The following RBFOX1 variants were observed in gnomAD, a reference collection of about 807,000 sequenced individuals.
The protein encoded by RBFOX1 is RNA binding protein fox-1 homolog 1.
A neutral mutation model predicts 57.7 loss-of-function variants in RBFOX1; 8 were observed. The ratio of observed to expected loss-of-function variants is 0.14; its 90% CI spans 0.08 to 0.25. The LOEUF is 0.25. Among genes scored for constraint, RBFOX1 ranks in the 10% least tolerant of loss-of-function variants. RBFOX1 has a pLI of 1.00. For missense variants in RBFOX1, 611 were observed against 548.5 expected (o/e 1.11, Z -1.14); for synonymous variants, 326 against 222.4 (o/e 1.47, Z -4.15).
At chr16:7,709,018 A>G in intron 14 of RBFOX1, 38 bp from the exon 15 acceptor site, 1 of 1,552,292 alleles carries the variant, frequency 6.4e-7, no homozygotes, top group Non-Finnish European at 8.9e-7. Flanking sequence ...TTGTAATTGC[A>G]TACTGTGGAT....
At chr16:6,084,988 T>A (rs1213244120) in intron 1 of RBFOX1, among the ~76,000 whole-genome samples, 2 of 152,124 alleles carry the variant, frequency 1.3e-5, no homozygotes, top group East Asian at 3.9e-4. Context: ...TTTGCAGAAG[T>A]GGTTTCCTTT....
At chr16:6,465,718 A>G (rs947107133) in intron 2 of RBFOX1, among the ~76,000 whole-genome samples, 6 of 151,460 alleles carry the variant, frequency 4.0e-5, no homozygotes, top group African/African-American at 1.5e-4. Context: ...TTTTTGTGCT[A>G]AAAGGGAAGA....
intron 3 of RBFOX1, among the ~76,000 whole-genome samples, chr16:6,718,310 C>G (rs1400293278): frequency 1.3e-5 from 2 of 152,136 alleles, no homozygotes; most frequent in East Asian, 3.9e-4. Flanking sequence ...CAGACGTGCC[C>G]TTGTCTTTAG....
chr16:5,383,593 T>C (rs62017743), intron 1 of RBFOX1, among the ~76,000 whole-genome samples: 23,987 of 152,248 alleles, frequency 0.16, 1,959 homozygotes, highest in Middle Eastern at 0.26. Flanking sequence ...GGGGTAGGAA[T>C]GCATAGTAAG....
chr16:7,368,098 C>A (rs935479209), intron 4 of RBFOX1, among the ~76,000 whole-genome samples: 3 of 152,004 alleles, frequency 2.0e-5, no homozygotes, highest in Non-Finnish European at 4.4e-5. Flanking sequence ...GAAACCCCAT[C>A]TTTACTAAAA....
chr16:7,206,026 C>A (rs563216973), intron 4 of RBFOX1, among the ~76,000 whole-genome samples: 1 of 152,246 alleles, frequency 6.6e-6, no homozygotes, highest in South Asian at 2.1e-4. Context: ...GCTTGCCCAC[C>A]CAGAGGCGAG....
intron 3 of RBFOX1, among the ~76,000 whole-genome samples, chr16:6,841,974 TA>T (rs57783370): frequency 5.4e-5 from 8 of 147,722 alleles, no homozygotes; most frequent in East Asian, 2.0e-4. Context: ...CCGTCTCTAT[TA>T]AAAAAAAAAT....
intron 4 of RBFOX1, among the ~76,000 whole-genome samples, chr16:7,123,163 A>G (rs2067596269): frequency 6.6e-6 from 1 of 152,168 alleles, no homozygotes; most frequent in African/African-American, 2.4e-5. Flanking sequence ...AACATTTATG[A>G]AATTGTACAT....
At chr16:7,317,847 C>T (rs1191547594) in intron 4 of RBFOX1, among the ~76,000 whole-genome samples, 5 of 152,210 alleles carry the variant, frequency 3.3e-5, no homozygotes, top group African/African-American at 1.2e-4. Flanking sequence ...AGCAAGACCA[C>T]AAAGACATAG....
At chr16:7,465,650 CTCT>C (rs1390530804) in intron 4 of RBFOX1, among the ~76,000 whole-genome samples, 1 of 152,204 alleles carries the variant, frequency 6.6e-6, no homozygotes, top group African/African-American at 2.4e-5. Flanking sequence ...CTAAAGCCCA[CTCT>C]TTACTGGAGT....
intron 2 of RBFOX1, among the ~76,000 whole-genome samples, chr16:6,613,660 A>G (rs2098101459): frequency 6.6e-6 from 1 of 152,254 alleles, no homozygotes; most frequent in Admixed American, 6.5e-5. Context: ...GAGTAACATA[A>G]GTAGTGTGTT....
rs879693271 is a variant in RBFOX1, at chr16:6,478,084, C to G, written c.-64+161027C>G. Among the ~76,000 whole-genome samples the G allele has an allele frequency of 2.6e-5, 4 of 152,066 alleles. No individual in the cohort carries two copies. In the East Asian group the frequency reaches 7.7e-4, roughly 29 times the overall value. On this transcript the variant is annotated intron_variant, in intron 2 of 15. Transcript: ENST00000550418. ...TGATCTTCCATCTAAACCACTAATA[C>G]TCCACACCAGCAACAAGGCTCTTTT...
At chr16:7,436,617 CTCTT>C (rs1217397416) in intron 4 of RBFOX1, among the ~76,000 whole-genome samples, 1 of 152,214 alleles carries the variant, frequency 6.6e-6, no homozygotes, top group Non-Finnish European at 1.5e-5. Flanking sequence ...GCTGGGTTAA[CTCTT>C]TCTTTGCTAT....
intron 4 of RBFOX1, among the ~76,000 whole-genome samples, chr16:5,875,992 C>T (rs752126070): frequency 7.9e-5 from 12 of 151,850 alleles, no homozygotes; most frequent in East Asian, 1.9e-4. Context: ...TACAGGCCCC[C>T]GACAGCACAC....
At chr16:7,439,785 T>C (rs201135088) in intron 4 of RBFOX1, among the ~76,000 whole-genome samples, 1 of 152,126 alleles carries the variant, frequency 6.6e-6, no homozygotes, top group African/African-American at 2.4e-5. Flanking sequence ...AATTTACAGA[T>C]TGCTTGCTTG....
chr16:6,062,641 A>G (rs898420436), intron 1 of RBFOX1, among the ~76,000 whole-genome samples: 7 of 148,504 alleles, frequency 4.7e-5, no homozygotes, highest in African/African-American at 1.7e-4. Flanking sequence ...ATATACATAT[A>G]TACATATCTA....
At chr16:5,268,873 G>T (rs1031888541) in intron 1 of RBFOX1, among the ~76,000 whole-genome samples, 1 of 151,846 alleles carries the variant, frequency 6.6e-6, no homozygotes, top group Non-Finnish European at 1.5e-5. Context: ...GTGTATGAAG[G>T]TTCTAGTTTC....
rs550428303 is a variant in RBFOX1 at position 5,834,290 on chromosome 16, C to G, written c.319-33013C>G. Among the ~76,000 whole-genome samples, 185 of 152,256 alleles carry G rather than the reference C, an allele frequency of 1.2e-3. 1 individual carries two copies. Among genetic ancestry groups the G allele is most frequent in the African/African-American group, 4.2e-3 (173 of 41,532 alleles). ...TTCTGAGTCTCCAATGTCCACCATA[C>G]CACTCTGTATACCCCTGGGTACCTG... On this transcript the variant is annotated intron_variant, in intron 3 of 19. Coordinates refer to the RBFOX1 transcript ENST00000641259.
intron 3 of RBFOX1, among the ~76,000 whole-genome samples, chr16:6,731,530 T>C (rs1044886395): frequency 5.3e-5 from 8 of 152,148 alleles, no homozygotes; most frequent in Non-Finnish European, 1.0e-4. Context: ...CTCAGGATTA[T>C]GGGAAGTTGC....
Sources: gnomAD v4.1 joint callset for allele counts (sites outside exome capture counted in the v4.1 genomes callset) on GRCh38, gnomAD v4.1.1 for gene constraint, MANE v1.5 for transcripts, NCBI Gene and HGNC (gene_info 2026-07-23, HGNC 2026-07-21) for gene names.